The following SNCAIP variants were observed in gnomAD, a reference collection of about 807,000 sequenced individuals.
SNCAIP encodes the protein synuclein alpha interacting protein.
In SNCAIP, 43 loss-of-function variants were observed where a neutral mutation model predicts 86.7. The ratio of observed to expected loss-of-function variants is 0.50; its 90% CI spans 0.39 to 0.64. The LOEUF is 0.64. SNCAIP is among the 30% of genes least tolerant of loss of function. The pLI is 0.00. For missense variants in SNCAIP, 981 were observed against 1,103.1 expected (o/e 0.89, Z 1.57); for synonymous variants, 417 against 427.2 (o/e 0.98, Z 0.29).
At chr5:122,407,282 A>T (rs1304049646) in intron 3 of SNCAIP, among the ~76,000 whole-genome samples, 1 of 152,198 alleles carries the variant, frequency 6.6e-6, no homozygotes, top group African/African-American at 2.4e-5. Flanking sequence ...ACCAGCAAAG[A>T]GTGTTGAAGG....
At chr5:122,397,141 A>G (rs756823612) in intron 2 of SNCAIP, among the ~76,000 whole-genome samples, 1 of 152,118 alleles carries the variant, frequency 6.6e-6, no homozygotes, top group Non-Finnish European at 1.5e-5. Flanking sequence ...AAGGTTAACT[A>G]AGATTAATTA....
rs77675882 is a variant in SNCAIP, at chr5:122,385,498, C to A, written c.-46-5591C>A. 4.5e-4 allele frequency among the ~76,000 whole-genome samples: 68 copies of A among 152,296 alleles called. No homozygotes were observed. The East Asian group carries it at 0.01, about 23-fold the overall frequency. On this transcript the variant is annotated intron_variant, in intron 1 of 10. Coordinates refer to ENST00000261368, the MANE Select transcript of SNCAIP (RefSeq NM_005460.4). ...ACATTTGGAATGAGTTGCTTCCTTG[C>A]CAGCCAAGCTACTGAGCCAACTGGG... is the stretch of plus-strand genomic sequence containing the variant.
chr5:122,392,435 T>C (rs895804083), intron 2 of SNCAIP, among the ~76,000 whole-genome samples: 3 of 152,192 alleles, frequency 2.0e-5, no homozygotes, highest in African/African-American at 7.2e-5. Context: ...TTTCTCTTTC[T>C]CTCTCTAAGT....
At chr5:122,397,767 A>C (rs1007385050) in intron 2 of SNCAIP, among the ~76,000 whole-genome samples, 3 of 152,188 alleles carry the variant, frequency 2.0e-5, no homozygotes, top group African/African-American at 7.2e-5. Context: ...AAAGAGAAGA[A>C]TATTCAAAAG....
chr5:122,356,445 C>A (rs1049017707), intron 1 of SNCAIP, among the ~76,000 whole-genome samples: 1 of 152,144 alleles, frequency 6.6e-6, no homozygotes, highest in African/African-American at 2.4e-5. Context: ...GATCATTACT[C>A]AGTTTATATA....
chr5:122,415,159 C>T (rs922021046), intron 3 of SNCAIP, among the ~76,000 whole-genome samples: 10 of 152,174 alleles, frequency 6.6e-5, no homozygotes, highest in Admixed American at 4.6e-4. Context: ...AATCCCAGGG[C>T]GAGCCACTTT....
rs1580701336 is a variant in SNCAIP at position 122,314,080 on chromosome 5, A to G, written c.-47+1796A>G. 3.3e-5 allele frequency among the ~76,000 whole-genome samples: 5 copies of G among 152,246 alleles called. No homozygotes were observed. The South Asian group carries it at 1.0e-3, about 31-fold the overall frequency. On this transcript the variant is annotated intron_variant, in intron 1 of 10. Transcript: ENST00000261368. Reference sequence around the variant, plus strand: ...TTGATATCCAAAAGGAAGTGACTAAAGCAAATGCATTTCTCTGTCTACTCT... The same window carrying G: ...TTGATATCCAAAAGGAAGTGACTAAGGCAAATGCATTTCTCTGTCTACTCT...
intron 3 of SNCAIP, among the ~76,000 whole-genome samples, chr5:122,410,621 A>C (rs1273723858): frequency 6.6e-6 from 1 of 152,120 alleles, no homozygotes; most frequent in East Asian, 1.9e-4. Context: ...TCAGAAGTTC[A>C]AGACCAGCCT....
chr5:122,410,747 T>C (rs59262405), intron 3 of SNCAIP, among the ~76,000 whole-genome samples: 2,513 of 152,220 alleles, frequency 0.017, 68 homozygotes, highest in African/African-American at 0.056. Flanking sequence ...TGCTTGAGCC[T>C]GGGAGGCGGA....
At chr5:122,388,026 C>G (rs925289362) in intron 1 of SNCAIP, among the ~76,000 whole-genome samples, 3 of 152,120 alleles carry the variant, frequency 2.0e-5, no homozygotes, top group Non-Finnish European at 2.9e-5. Context: ...TTTGAAGGGT[C>G]GAACACTCAA....
intron 1 of SNCAIP, among the ~76,000 whole-genome samples, chr5:122,329,010 A>G (rs1039424305): frequency 1.3e-5 from 2 of 152,180 alleles, no homozygotes; most frequent in Non-Finnish European, 2.9e-5. Flanking sequence ...GTGTTTCCAC[A>G]ATTGTATGGT....
chr5:122,395,794 A>C (rs1449572490), intron 2 of SNCAIP, among the ~76,000 whole-genome samples: 8 of 152,186 alleles, frequency 5.3e-5, no homozygotes, highest in African/African-American at 2.4e-5. Flanking sequence ...TGGGCAAAGA[A>C]TACAGCTTAG....
chr5:122,407,266 G>A (rs995198572), intron 3 of SNCAIP, among the ~76,000 whole-genome samples: 3 of 152,180 alleles, frequency 2.0e-5, no homozygotes, highest in African/African-American at 4.8e-5. Context: ...CTCCAGCCAC[G>A]AGAAAACCAG....
intron 1 of SNCAIP, among the ~76,000 whole-genome samples, chr5:122,327,785 A>T (rs1754410697): frequency 6.6e-6 from 1 of 152,188 alleles, no homozygotes; most frequent in Non-Finnish European, 1.5e-5. Context: ...CTTTGTGTGT[A>T]TGCAGTCTTT....
intron 1 of SNCAIP, among the ~76,000 whole-genome samples, chr5:122,385,658 T>C (rs1767955104): frequency 6.6e-6 from 1 of 151,134 alleles, no homozygotes; most frequent in African/African-American, 2.5e-5. Flanking sequence ...TTGGCAGGCA[T>C]GCGTGTGCGC....
At chr5:122,440,794 A>G (rs370854301) in intron 7 of SNCAIP, 40 bp downstream of exon 7, 150 of 1,581,394 alleles carry the variant, frequency 9.5e-5, no homozygotes, top group Non-Finnish European at 1.2e-4. Context: ...AAATGAGTAT[A>G]TCAAATATTA....
intron 1 of SNCAIP, among the ~76,000 whole-genome samples, chr5:122,368,484 C>A (rs1763621904): frequency 2.6e-5 from 4 of 152,198 alleles, no homozygotes; most frequent in Admixed American, 2.6e-4. Context: ...TCTACTCAAG[C>A]CCATGCCACA....
intron 10 of SNCAIP, among the ~76,000 whole-genome samples, chr5:122,458,026 T>A (rs1353344526): frequency 2.0e-5 from 3 of 152,160 alleles, no homozygotes; most frequent in African/African-American, 7.2e-5. Flanking sequence ...AAATGGGGTG[T>A]CTTTTCATAA....
At position 122,448,509 on chromosome 5, in the gene SNCAIP, T is replaced by C. The variant is rs1269890312; in HGVS notation, c.1593-1336T>C. Among the ~76,000 whole-genome samples the C allele has an allele frequency of 2.7e-5, 4 of 148,938 alleles. No homozygotes were observed. The Admixed American group carries it at 2.7e-4, about 10-fold the overall frequency. On this transcript the variant is annotated intron_variant, in intron 8 of 10. Coordinates refer to ENST00000261368, the MANE Select transcript of SNCAIP (RefSeq NM_005460.4). ...TTAAAAAATTTTTTAATTCAAACAA[T>C]TTAGGAAAAGTAAATATAACATTTT...
Sources: allele counts gnomAD v4.1 joint callset (sites outside exome capture counted in the v4.1 genomes callset), GRCh38; gene constraint gnomAD v4.1.1; transcripts MANE v1.5; gene names NCBI Gene and HGNC (gene_info 2026-07-23, HGNC 2026-07-21).